The following CD247 variants were observed in gnomAD, a reference collection of about 807,000 sequenced individuals.
CD247 encodes CD247 molecule, also known as T-cell surface glycoprotein CD3 zeta chain.
CD247 carries 13 observed loss-of-function variants against 30.0 expected under a neutral mutation model. That is an observed-to-expected ratio of 0.43 (90% CI 0.28 to 0.69). The LOEUF (loss-of-function observed/expected upper bound fraction) is 0.69. Ranked by LOEUF, CD247 falls within the 30% of genes least tolerant of loss-of-function variation. The pLI, the probability that CD247 is intolerant of heterozygous loss-of-function variation, is 0.16. For synonymous variants in CD247, 72 were observed against 80.0 expected, an observed-to-expected ratio of 0.90 and a Z score of 0.53; for missense variants, 193 against 212.6, an observed-to-expected ratio of 0.91 and a Z score of 0.57.
chr1:167,434,949 C>A, intron 5 of CD247: 1 of 425,370 alleles, frequency 2.4e-6, no homozygotes, highest in South Asian at 1.7e-5. Flanking sequence ...CCGGAGCCCT[C>A]CTCCAGCCCT....
intron 2 of CD247, 134 bp downstream of exon 2, chr1:167,440,530 T>C: frequency 1.4e-6 from 1 of 700,348 alleles, no homozygotes; most frequent in Non-Finnish European, 2.6e-6. Context: ...CACACTTGGC[T>C]GGTCCTTGCT....
At chr1:167,477,313 T>C (rs1036002175) in intron 1 of CD247, among the ~76,000 whole-genome samples, 20 of 152,202 alleles carry the variant, frequency 1.3e-4, no homozygotes, top group African/African-American at 4.3e-4. Context: ...CAATTTTACC[T>C]GGAGCCTGCC....
intron 2 of CD247, chr1:167,440,442 G>C (rs955292790): frequency 3.3e-6 from 2 of 603,150 alleles, no homozygotes. Flanking sequence ...TCATGGAGGT[G>C]CCTAGCACCA....
intron 1 of CD247, among the ~76,000 whole-genome samples, chr1:167,451,778 G>A (rs1047344017): frequency 9.2e-5 from 14 of 152,186 alleles, no homozygotes; most frequent in African/African-American, 3.4e-4. Context: ...TCATTAGTGG[G>A]GGCCCTGATC....
chr1:167,459,352 T>C (rs1271119385), intron 1 of CD247, among the ~76,000 whole-genome samples: 1 of 136,696 alleles, frequency 7.3e-6, no homozygotes, highest in African/African-American at 2.7e-5. Flanking sequence ...ACAACTCTTT[T>C]TTTTTTTTTT....
chr1:167,446,883 T>A (rs1157430065), intron 1 of CD247, among the ~76,000 whole-genome samples: 3 of 152,190 alleles, frequency 2.0e-5, no homozygotes, highest in Non-Finnish European at 4.4e-5. Context: ...TGGTCCCAGC[T>A]GCTCAGGAGG....
intron 1 of CD247, among the ~76,000 whole-genome samples, chr1:167,501,059 T>C (rs1282900480): frequency 7.5e-5 from 11 of 146,446 alleles, no homozygotes; most frequent in African/African-American, 2.7e-4. Context: ...TGTTCTTTTT[T>C]TTTTTTTTTT....
chr1:167,472,172 C>T (rs1653560787), intron 1 of CD247, among the ~76,000 whole-genome samples: 1 of 152,178 alleles, frequency 6.6e-6, no homozygotes, highest in Non-Finnish European at 1.5e-5. Context: ...ATTAAGGATT[C>T]ATCCTTTTCC....
chr1:167,448,896 C>T (rs1337194561), intron 1 of CD247, among the ~76,000 whole-genome samples: 2 of 151,976 alleles, frequency 1.3e-5, no homozygotes, highest in Non-Finnish European at 2.9e-5. Context: ...TTAAAAAGTA[C>T]CACAGCCTCC....
intron 1 of CD247, among the ~76,000 whole-genome samples, chr1:167,497,760 C>T (rs569664280): frequency 2.6e-5 from 4 of 152,190 alleles, no homozygotes; most frequent in Admixed American, 1.3e-4. Context: ...GAACCTAACC[C>T]TATCCATAAC....
chr1:167,494,748 AT>A lies in CD247; in HGVS notation c.58+23659del, dbSNP rs1654610938. Among the ~76,000 whole-genome samples the A allele has an allele frequency of 6.6e-6, 1 of 152,198 alleles. No individual in the cohort carries two copies. The highest frequency in any genetic ancestry group is 2.4e-5 in the African/African-American group (1 of 41,444). On this transcript the variant is annotated intron_variant, in intron 1 of 7. Transcript: ENST00000362089. This position sits in a 1 kb window ranked among gnomAD's most constrained non-coding sequence, Gnocchi z 7.3. The stretch of plus-strand genomic sequence containing the variant: ...TCCTATAATTCCTGGATACAGATAA[AT>A]GTTTATTAAAGAATGTGAAGGTCTC...
rs369840689 is a variant in CD247, at chr1:167,509,052, A to G, written c.58+9356T>C. Among the ~76,000 whole-genome samples the G allele has an allele frequency of 6.6e-5, 10 of 152,322 alleles. No individual in the cohort carries two copies. In the East Asian group the frequency reaches 1.7e-3, roughly 26 times the overall value. On this transcript the variant is annotated intron_variant, in intron 1 of 7. Coordinates refer to ENST00000362089, the MANE Select transcript of CD247 (RefSeq NM_198053.3). ...CAATTGGTAAGTCAAGTGGCCTGTC[A>G]GATGGTTTAAATAATCAGATATTAA... is the stretch of plus-strand genomic sequence containing the variant.
At chr1:167,517,194 C>G (rs1180897345) in intron 1 of CD247, among the ~76,000 whole-genome samples, 2 of 152,206 alleles carry the variant, frequency 1.3e-5, no homozygotes, top group Admixed American at 1.3e-4. Context: ...TGTGACCTGA[C>G]AGAAACCCCT....
chr1:167,433,970 T>C (rs775424384), intron 6 of CD247, 50 bp downstream of exon 6: 1 of 1,501,020 alleles, frequency 6.7e-7, no homozygotes, highest in Admixed American at 1.7e-5. Context: ...CAGGCGTGTC[T>C]GGAGGACCAA....
Position 167,431,372 on chromosome 1 carries a change from G to A in CD247, c.*309C>T. ...ACAAAACAGACTCAACAACTCAGCT[G>A]TGAGAGGCAGTGCGCCCGCCTCCCA... On this transcript the variant is annotated 3_prime_UTR_variant, in exon 8 of 8. Transcript: ENST00000362089. 6.7e-6 allele frequency: 4 copies of A among 600,250 alleles called. No homozygotes were observed. The highest frequency in any genetic ancestry group is 2.9e-5 in the Admixed American group (1 of 33,962). 37.2% of individuals were successfully genotyped at this position (600,250 alleles called of 1,614,324 possible).
At position 167,431,423 on chromosome 1, in the gene CD247, C is replaced by G. The variant is rs1388579937; in HGVS notation, c.*258G>C. ...GGGAGAACGAGGAACCGCCAGGAGA[C>G]AGGTCTACCTGCACCACCGGCAAAC... On this transcript the variant is annotated 3_prime_UTR_variant, in exon 8 of 8. Transcript: ENST00000362089. 1 of 600,528 alleles carries G rather than the reference C, an allele frequency of 1.7e-6. No homozygotes were observed. Among genetic ancestry groups the G allele is most frequent in the Non-Finnish European group, 3.0e-6 (1 of 337,838 alleles). The allele number at this position is 600,528 out of a possible 1,614,324, so 37.2% of individuals were successfully genotyped here.
At chr1:167,461,140 C>G (rs115209588) in intron 1 of CD247, among the ~76,000 whole-genome samples, 1 of 152,226 alleles carries the variant, frequency 6.6e-6, no homozygotes, top group Non-Finnish European at 1.5e-5. Context: ...GCTGGGCTGC[C>G]GCCTCCCATG....
At chr1:167,434,719 C>G in intron 5 of CD247, 1 of 447,392 alleles carries the variant, frequency 2.2e-6, no homozygotes, top group South Asian at 1.6e-5. Flanking sequence ...CCAGGCTGAT[C>G]AACCTGGGAA....
intron 1 of CD247, among the ~76,000 whole-genome samples, chr1:167,463,618 A>G (rs1293889906): frequency 6.6e-6 from 1 of 152,186 alleles, no homozygotes; most frequent in Admixed American, 6.5e-5. Flanking sequence ...GGGAACTTGA[A>G]CTGAACTGTG....
Sources: allele counts gnomAD v4.1 joint callset (sites outside exome capture counted in the v4.1 genomes callset), GRCh38; gene constraint gnomAD v4.1.1; non-coding constraint Gnocchi (gnomAD v3.1); transcripts MANE v1.5; gene names NCBI Gene and HGNC (gene_info 2026-07-23, HGNC 2026-07-21).